The following KCNAB1 variants were observed in gnomAD, a reference collection of about 807,000 sequenced individuals.
The protein encoded by KCNAB1 is potassium voltage-gated channel subfamily A regulatory beta subunit 1, also known as voltage-gated potassium channel subunit beta-1.
KCNAB1 carries 35 observed loss-of-function variants against 64.6 expected under a neutral mutation model. The ratio of observed to expected loss-of-function variants is 0.54; its 90% CI spans 0.41 to 0.72. KCNAB1 has a LOEUF of 0.72. KCNAB1 is among the 30% of genes least tolerant of loss of function. The pLI is 0.00. For missense variants in KCNAB1, 401 were observed against 512.9 expected (o/e 0.78, Z 2.11); for synonymous variants, 177 against 183.8 (o/e 0.96, Z 0.30).
At chr3:156,284,629 C>T (rs974029619) in intron 1 of KCNAB1, among the ~76,000 whole-genome samples, 6 of 152,284 alleles carry the variant, frequency 3.9e-5, no homozygotes, top group Admixed American at 2.0e-4. Flanking sequence ...ACTCCGTGGG[C>T]ATAGGACCCT....
At chr3:156,285,742 A>G (rs1159181393) in intron 1 of KCNAB1, among the ~76,000 whole-genome samples, 1 of 137,170 alleles carries the variant, frequency 7.3e-6, no homozygotes, top group African/African-American at 3.0e-5. Flanking sequence ...AGCTCAGTCA[A>G]TCCACCTAAG....
intron 1 of KCNAB1, chr3:156,176,528 G>T (rs1026160841): frequency 3.7e-6 from 3 of 802,296 alleles, no homozygotes; most frequent in Non-Finnish European, 4.6e-6. Context: ...ATCTGTGGAT[G>T]CTGGGAAGAG....
chr3:156,252,775 A>G (rs1276652471), intron 1 of KCNAB1, among the ~76,000 whole-genome samples: 1 of 152,184 alleles, frequency 6.6e-6, no homozygotes, highest in Non-Finnish European at 1.5e-5. Flanking sequence ...TTCTCAGTGC[A>G]GGAGCTTACA....
chr3:156,442,272 G>C (rs1395201254), intron 2 of KCNAB1, among the ~76,000 whole-genome samples: 1 of 152,014 alleles, frequency 6.6e-6, no homozygotes, highest in East Asian at 1.9e-4. Context: ...TTCCTGTTTT[G>C]CCCACACAGC....
intron 7 of KCNAB1, 81 bp from the exon 8 acceptor site, chr3:156,474,645 TAAAGCAAA>T: frequency 2.2e-6 from 2 of 903,040 alleles, no homozygotes; most frequent in Middle Eastern, 2.2e-4. Flanking sequence ...TCTATTTTTT[TAAAGCAAA>T]TTCTTGAAAG....
intron 1 of KCNAB1, among the ~76,000 whole-genome samples, chr3:156,354,581 G>C (rs1725105650): frequency 6.6e-6 from 1 of 151,950 alleles, no homozygotes; most frequent in Non-Finnish European, 1.5e-5. Context: ...ACTTCCATAG[G>C]ATTAGACTAA....
intron 1 of KCNAB1, among the ~76,000 whole-genome samples, chr3:156,417,198 T>A (rs1715135107): frequency 6.6e-6 from 1 of 152,230 alleles, no homozygotes; most frequent in Admixed American, 6.5e-5. Flanking sequence ...ATGTACATTA[T>A]TAAATGTGCA....
intron 1 of KCNAB1, among the ~76,000 whole-genome samples, chr3:156,196,007 C>A (rs1040170444): frequency 6.6e-6 from 1 of 152,164 alleles, no homozygotes; most frequent in Admixed American, 6.5e-5. Flanking sequence ...CTGCATATGG[C>A]TAGCCAGTTT....
chr3:156,468,789 A>G (rs541453988), intron 7 of KCNAB1, among the ~76,000 whole-genome samples: 120 of 152,222 alleles, frequency 7.9e-4, no homozygotes, highest in Non-Finnish European at 1.5e-3. Flanking sequence ...ACAACCTTCT[A>G]GCCCTAAGAA....
At chr3:156,275,532 A>G (rs1719288360) in intron 1 of KCNAB1, among the ~76,000 whole-genome samples, 2 of 152,218 alleles carry the variant, frequency 1.3e-5, no homozygotes, top group African/African-American at 4.8e-5. Context: ...ATAGCATTTT[A>G]CTCACAATAG....
chr3:156,220,088 G>A (rs925091216), intron 1 of KCNAB1, among the ~76,000 whole-genome samples: 50 of 152,132 alleles, frequency 3.3e-4, no homozygotes, highest in African/African-American at 1.1e-3. Context: ...TGGTGTATAT[G>A]TGCCACATTT....
chr3:156,297,678 G>A (rs1048484669), intron 1 of KCNAB1, among the ~76,000 whole-genome samples: 1 of 152,022 alleles, frequency 6.6e-6, no homozygotes, highest in African/African-American at 2.4e-5. Context: ...TACCTCCCAC[G>A]AATGGTGGGT....
At chr3:156,484,428 A>G (rs1289701328) in intron 8 of KCNAB1, among the ~76,000 whole-genome samples, 2 of 152,102 alleles carry the variant, frequency 1.3e-5, no homozygotes, top group Non-Finnish European at 2.9e-5. Context: ...TCAGGTGAAA[A>G]ACAGAGCTGC....
intron 1 of KCNAB1, among the ~76,000 whole-genome samples, chr3:156,279,810 G>T (rs1224815152): frequency 2.0e-5 from 3 of 151,942 alleles, no homozygotes; most frequent in Non-Finnish European, 1.5e-5. Flanking sequence ...TTTCTGATGG[G>T]GTTGTTTGTT....
At chr3:156,123,863 A>T (rs534566344) in intron 1 of KCNAB1, among the ~76,000 whole-genome samples, 52 of 152,354 alleles carry the variant, frequency 3.4e-4, no homozygotes, top group Middle Eastern at 6.8e-3. Flanking sequence ...TTACAAAAGT[A>T]ACATCTGAAC....
rs189425050 is a variant in KCNAB1, at chr3:156,340,092, A to G, written c.276-81524A>G. The stretch of plus-strand genomic sequence containing the variant: ...ACTGGAGGAGGCATTGTGTCTCAAT[A>G]TTAGTAGCAGAAGCATTTCTGAGGG... On this transcript the variant is annotated intron_variant, in intron 1 of 13. Coordinates refer to ENST00000490337, the MANE Select transcript of KCNAB1 (RefSeq NM_172160.3). 2.6e-5 allele frequency among the ~76,000 whole-genome samples: 4 copies of G among 152,320 alleles called. No individual in the cohort carries two copies. In the East Asian group the frequency reaches 5.8e-4, roughly 22 times the overall value.
At chr3:156,460,077 T>C (rs1712784099) in intron 5 of KCNAB1, 1 of 506,924 alleles carries the variant, frequency 2.0e-6, no homozygotes, top group African/African-American at 2.0e-5. Context: ...TTGATCACAA[T>C]GAATTACCAA....
At chr3:156,454,521 A>G (rs7631167) in intron 3 of KCNAB1, among the ~76,000 whole-genome samples, 5,494 of 152,244 alleles carry the variant, frequency 0.036, 343 homozygotes, top group African/African-American at 0.12. Flanking sequence ...CAGCATTCCT[A>G]GCAGCTCAGG....
chr3:156,409,587 G>A (rs1040688376), intron 1 of KCNAB1, among the ~76,000 whole-genome samples: 3 of 152,158 alleles, frequency 2.0e-5, no homozygotes, highest in Non-Finnish European at 2.9e-5. Context: ...GTGTTTATGG[G>A]AAGGAGCTTT....
Sources: gnomAD v4.1 joint callset for allele counts (sites outside exome capture counted in the v4.1 genomes callset) on GRCh38, gnomAD v4.1.1 for gene constraint, MANE v1.5 for transcripts, NCBI Gene and HGNC (gene_info 2026-07-23, HGNC 2026-07-21) for gene names.